Variants in MACROD2 observed in about 807,000 individuals in gnomAD.
The protein encoded by MACROD2 is mono-ADP ribosylhydrolase 2, also known as ADP-ribose glycohydrolase MACROD2.
MACROD2 carries 36 observed loss-of-function variants against 70.4 expected under a neutral mutation model. That is an observed-to-expected ratio of 0.51 (90% CI 0.39 to 0.68). The LOEUF is 0.68. Among genes scored for constraint, MACROD2 ranks in the 30% least tolerant of loss-of-function variants. MACROD2 has a pLI of 0.00. For missense variants in MACROD2, 496 were observed against 538.4 expected, an observed-to-expected ratio of 0.92 and a Z score of 0.78; for synonymous variants, 172 against 178.8, an observed-to-expected ratio of 0.96 and a Z score of 0.30.
rs73258872 is a variant in MACROD2, at chr20:15,179,075, T to C, written c.419-50865T>C. On this transcript the variant is annotated intron_variant, in intron 5 of 17. Transcript: ENST00000684519. ...ACTTTAGGCTCCTATATAACCTAGA[T>C]TGAGCTAATCAGAATTTCACACAAA... Among the ~76,000 whole-genome samples, 1,217 of 152,246 alleles carry C rather than the reference T, an allele frequency of 8.0e-3. 21 individuals carry two copies. Among genetic ancestry groups the C allele is most frequent in the African/African-American group, 0.027 (1,141 of 41,542 alleles).
chr20:14,161,339 C>T (rs2055185296), intron 3 of MACROD2, among the ~76,000 whole-genome samples: 1 of 151,698 alleles, frequency 6.6e-6, no homozygotes, highest in Non-Finnish European at 1.5e-5. Context: ...AGGTGCACGC[C>T]ACCACACCCA....
chr20:14,944,876 A>G (rs1472404497), intron 5 of MACROD2, among the ~76,000 whole-genome samples: 4 of 152,004 alleles, frequency 2.6e-5, no homozygotes, highest in Non-Finnish European at 5.9e-5. Context: ...CCCGTCCCAC[A>G]ACTTCCACCA....
intron 5 of MACROD2, among the ~76,000 whole-genome samples, chr20:14,711,764 T>C (rs1449842546): frequency 6.6e-6 from 1 of 152,186 alleles, no homozygotes; most frequent in African/African-American, 2.4e-5. Flanking sequence ...AGTTGCATTG[T>C]TCTTTTGCCC....
chr20:15,876,535 C>G (rs930937800), intron 9 of MACROD2, among the ~76,000 whole-genome samples: 2 of 152,016 alleles, frequency 1.3e-5, no homozygotes, highest in African/African-American at 4.8e-5. Flanking sequence ...TGGGTTGGTT[C>G]CAAGTCTTTG....
chr20:15,769,367 G>C (rs777677874), intron 8 of MACROD2, among the ~76,000 whole-genome samples: 3 of 151,984 alleles, frequency 2.0e-5, no homozygotes, highest in African/African-American at 7.3e-5. Flanking sequence ...GGCTGGTCTC[G>C]AACTCCGAAC....
intron 5 of MACROD2, among the ~76,000 whole-genome samples, chr20:14,814,949 A>ATGAC (rs1286550680): frequency 6.6e-6 from 1 of 151,152 alleles, no homozygotes; most frequent in Non-Finnish European, 1.5e-5. Context: ...GAATGAATGA[A>ATGAC]TGAGTGAATG....
At chr20:14,009,133 T>G (rs144079744) in intron 2 of MACROD2, among the ~76,000 whole-genome samples, 1 of 152,286 alleles carries the variant, frequency 6.6e-6, no homozygotes, top group African/African-American at 2.4e-5. Context: ...TTAATTACAC[T>G]AGAGTTTCTG....
chr20:14,799,404 C>T (rs2072547508), intron 5 of MACROD2, among the ~76,000 whole-genome samples: 1 of 152,018 alleles, frequency 6.6e-6, no homozygotes, highest in South Asian at 2.1e-4. Context: ...ATAGTTTATG[C>T]AAATTGTAAT....
At chr20:15,791,656 A>G (rs1416487997) in intron 8 of MACROD2, among the ~76,000 whole-genome samples, 1 of 152,034 alleles carries the variant, frequency 6.6e-6, no homozygotes, top group African/African-American at 2.4e-5. Flanking sequence ...AGAAAATACA[A>G]TGGGAGAAAT....
intron 6 of MACROD2, among the ~76,000 whole-genome samples, chr20:15,273,485 A>G (rs1362574845): frequency 1.3e-5 from 2 of 152,132 alleles, no homozygotes; most frequent in Non-Finnish European, 1.5e-5. Context: ...CCTGACTAAT[A>G]CACCTACCCA....
At chr20:14,184,861 G>A (rs1017594229) in intron 3 of MACROD2, among the ~76,000 whole-genome samples, 1 of 151,996 alleles carries the variant, frequency 6.6e-6, no homozygotes, top group Non-Finnish European at 1.5e-5. Flanking sequence ...GCTAGTGATT[G>A]TTGCACACTG....
At position 15,895,668 on chromosome 20, in the gene MACROD2, C is replaced by G. The variant is rs2064960441; in HGVS notation, c.775+9857C>G. 2.0e-5 allele frequency among the ~76,000 whole-genome samples: 3 copies of G among 152,214 alleles called. No homozygotes were observed. The South Asian group carries it at 6.2e-4, about 32-fold the overall frequency. On this transcript the variant is annotated intron_variant, in intron 10 of 17. Transcript: ENST00000684519. Reference sequence around the variant, plus strand: ...GGCGGCAGCCTGGGCAGGAGGACCACAGCCGCTTATAAAAAACATGCAATG... The same window carrying G: ...GGCGGCAGCCTGGGCAGGAGGACCAGAGCCGCTTATAAAAAACATGCAATG...
At chr20:14,421,334 T>G (rs185348415) in intron 3 of MACROD2, among the ~76,000 whole-genome samples, 3 of 152,310 alleles carry the variant, frequency 2.0e-5, no homozygotes, top group Non-Finnish European at 4.4e-5. Flanking sequence ...CAGAAACCTT[T>G]GGTCCTATGC....
chr20:14,566,202 G>A (rs542156231), intron 4 of MACROD2, among the ~76,000 whole-genome samples: 1 of 152,000 alleles, frequency 6.6e-6, no homozygotes, highest in Admixed American at 6.6e-5. Context: ...AAGAAAAATG[G>A]GCAAAGGGCA....
chr20:15,070,284 C>T (rs1007210551), intron 5 of MACROD2, among the ~76,000 whole-genome samples: 2 of 152,090 alleles, frequency 1.3e-5, no homozygotes, highest in Admixed American at 1.3e-4. Flanking sequence ...TGATTTTACA[C>T]GTTCCTAGGT....
intron 3 of MACROD2, among the ~76,000 whole-genome samples, chr20:14,413,628 A>G (rs1490688930): frequency 2.0e-5 from 3 of 152,194 alleles, no homozygotes; most frequent in Non-Finnish European, 2.9e-5. Context: ...TACAAAAGCA[A>G]TGGCATTCAA....
intron 8 of MACROD2, among the ~76,000 whole-genome samples, chr20:15,684,621 G>A (rs2050202812): frequency 6.6e-6 from 1 of 152,168 alleles, no homozygotes; most frequent in Admixed American, 6.5e-5. Context: ...TTCAATTAAG[G>A]ATTTTTCAAG....
intron 9 of MACROD2, among the ~76,000 whole-genome samples, chr20:15,878,945 G>C (rs539020616): frequency 6.6e-6 from 1 of 152,188 alleles, no homozygotes; most frequent in Admixed American, 6.5e-5. Context: ...TGTTTGTGTA[G>C]AATGCAACAG....
At chr20:15,071,279 TA>T (rs1352157681) in intron 5 of MACROD2, among the ~76,000 whole-genome samples, 1 of 152,192 alleles carries the variant, frequency 6.6e-6, no homozygotes, top group Non-Finnish European at 1.5e-5. Context: ...CTGATTCCAC[TA>T]AATCAGCGAG....
Sources: gnomAD v4.1 joint callset for allele counts (sites outside exome capture counted in the v4.1 genomes callset) on GRCh38, gnomAD v4.1.1 for gene constraint, MANE v1.5 for transcripts, NCBI Gene and HGNC (gene_info 2026-07-23, HGNC 2026-07-21) for gene names.